The following RNLS variants were observed in gnomAD, a reference collection of about 807,000 sequenced individuals.
RNLS encodes renalase, FAD dependent amine oxidase.
In RNLS, 39 loss-of-function variants were observed where a neutral mutation model predicts 39.8. That is an observed-to-expected ratio of 0.98 (90% CI 0.76 to 1.28). The LOEUF is 1.28. Ranked by LOEUF, RNLS falls within the 50% of genes most tolerant of loss-of-function variation. RNLS has a pLI of 0.00. For missense variants in RNLS, 410 were observed against 413.3 expected (o/e 0.99, Z 0.07); for synonymous variants, 147 against 150.7 (o/e 0.98, Z 0.18).
At chr10:88,446,747 C>T (rs529773388) in intron 4 of RNLS, among the ~76,000 whole-genome samples, 6 of 152,026 alleles carry the variant, frequency 3.9e-5, no homozygotes, top group African/African-American at 7.2e-5. Flanking sequence ...TGATGAACAT[C>T]GATGCAAAAA....
rs1278565163 is a variant in RNLS, at chr10:88,435,419, T to G, written c.527-72694A>C. ...AAAAGCTAAGAGACAGAAATCAAATTACCAAATATTTGGGGGTAAACCAAA... is the reference window on the plus strand; with the variant it reads ...AAAAGCTAAGAGACAGAAATCAAATGACCAAATATTTGGGGGTAAACCAAA... On this transcript the variant is annotated intron_variant, in intron 4 of 6. Coordinates refer to ENST00000331772, the MANE Select transcript of RNLS (RefSeq NM_001031709.3). Among the ~76,000 whole-genome samples the G allele has an allele frequency of 3.4e-5, 5 of 147,726 alleles. No individual in the cohort carries two copies. The East Asian group carries it at 9.8e-4, about 29-fold the overall frequency.
rs72820095 is a variant in RNLS, at chr10:88,582,087, T to C, written c.224+115A>G. On this transcript the variant is annotated intron_variant, in intron 2 of 6. Coordinates refer to ENST00000331772, the MANE Select transcript of RNLS (RefSeq NM_001031709.3). ...TTCTTCCATAACACCAACATAGCAA[T>C]TGATATTTATCGAGCCCTTACTATG... is the stretch of plus-strand genomic sequence containing the variant. The C allele has an allele frequency of 0.096, 73,462 of 768,740 alleles. 4,108 individuals are homozygous for C. Among genetic ancestry groups the C allele is most frequent in the Middle Eastern group, 0.14 (484 of 3,414 alleles). 47.6% of individuals were successfully genotyped at this position (768,740 alleles called of 1,614,324 possible). A position where few individuals can be genotyped will look rare whatever the true frequency, so the allele number is the denominator to read the frequency against.
chr10:88,388,599 G>C (rs1852006785), intron 4 of RNLS, among the ~76,000 whole-genome samples: 2 of 151,572 alleles, frequency 1.3e-5, no homozygotes, highest in African/African-American at 4.9e-5. Flanking sequence ...CACATGGCTA[G>C]CTCTTTCTCC....
chr10:88,224,219 G>A, the RNLS span, among the ~76,000 whole-genome samples: 1 of 152,206 alleles, frequency 6.6e-6, no homozygotes, highest in South Asian at 2.1e-4. Flanking sequence ...GGTAGGTTCA[G>A]TGTCTGGTGA....
chr10:88,242,384 A>G, the RNLS span, among the ~76,000 whole-genome samples: 2,013 of 152,348 alleles, frequency 0.013, 47 homozygotes, highest in African/African-American at 0.046. Context: ...GTAGAATTTA[A>G]TCAGGTTGCA....
intron 4 of RNLS, among the ~76,000 whole-genome samples, chr10:88,496,546 G>A (rs964847155): frequency 1.3e-5 from 2 of 152,094 alleles, no homozygotes; most frequent in Admixed American, 6.6e-5. Context: ...TTCAGAATTT[G>A]ATGAAACTAT....
chr10:88,516,902 T>C (rs1176850514), intron 4 of RNLS, among the ~76,000 whole-genome samples: 1 of 151,950 alleles, frequency 6.6e-6, no homozygotes, highest in Non-Finnish European at 1.5e-5. Flanking sequence ...TGACAAACTG[T>C]TCATTTTCCT....
At chr10:88,350,310 C>T (rs1426223849) in intron 5 of RNLS, among the ~76,000 whole-genome samples, 2 of 151,828 alleles carry the variant, frequency 1.3e-5, no homozygotes, top group Non-Finnish European at 2.9e-5. Context: ...TATACATGTG[C>T]CATGTTGATG....
chr10:88,284,635 A>G lies in RNLS; in HGVS notation c.*719T>C, dbSNP rs1843146210. 6.1e-6 allele frequency: 6 copies of G among 985,076 alleles called. No individual in the cohort carries two copies. Among genetic ancestry groups the G allele is most frequent in the Non-Finnish European group, 7.2e-6 (6 of 829,770 alleles). The allele number at this position is 985,076 out of a possible 1,614,324, so 61.0% of individuals were successfully genotyped here. A position where few individuals can be genotyped will look rare whatever the true frequency, so the allele number is the denominator to read the frequency against. ...CTATAAAATATAGCAAAAGGTAAGG[A>G]TCGATATACTTTCTCTCTGTTTCTA... On this transcript the variant is annotated 3_prime_UTR_variant, in exon 7 of 7. Transcript: ENST00000331772.
At chr10:88,306,324 A>G (rs1297729549) in intron 6 of RNLS, among the ~76,000 whole-genome samples, 3 of 152,172 alleles carry the variant, frequency 2.0e-5, no homozygotes, top group Non-Finnish European at 4.4e-5. Context: ...AATACCCAAA[A>G]TCAGTGCTGA....
chr10:88,439,682 A>C (rs1841604228), intron 4 of RNLS, among the ~76,000 whole-genome samples: 1 of 152,208 alleles, frequency 6.6e-6, no homozygotes, highest in African/African-American at 2.4e-5. Context: ...TCAATTTACA[A>C]ATAAGGAAAC....
chr10:88,189,639 A>G, the RNLS span, among the ~76,000 whole-genome samples: 1 of 152,236 alleles, frequency 6.6e-6, no homozygotes, highest in African/African-American at 2.4e-5. Context: ...GGTGCCTTGC[A>G]CTGTGCCTGG....
intron 3 of RNLS, among the ~76,000 whole-genome samples, chr10:88,578,665 C>T (rs1850350422): frequency 6.6e-6 from 1 of 152,086 alleles, no homozygotes; most frequent in South Asian, 2.1e-4. Flanking sequence ...ATTTATATCA[C>T]TCTACCTACT....
chr10:88,379,851 G>A (rs1851310168), intron 4 of RNLS, among the ~76,000 whole-genome samples: 1 of 152,140 alleles, frequency 6.6e-6, no homozygotes, highest in Non-Finnish European at 1.5e-5. Flanking sequence ...TAGGTTTCTG[G>A]CAGACAGCTC....
chr10:88,528,164 G>A (rs1021310525), intron 4 of RNLS, among the ~76,000 whole-genome samples: 1 of 151,738 alleles, frequency 6.6e-6, no homozygotes, highest in African/African-American at 2.4e-5. Flanking sequence ...ATAAAAAGAA[G>A]AATCTAAAAG....
the RNLS span, among the ~76,000 whole-genome samples, chr10:88,235,896 A>G: frequency 4.6e-5 from 7 of 151,854 alleles, no homozygotes; most frequent in Non-Finnish European, 8.8e-5. Flanking sequence ...CAGTGGTGCT[A>G]TCGCTGCTTA....
At chr10:88,445,821 T>A (rs1461990503) in intron 4 of RNLS, among the ~76,000 whole-genome samples, 1 of 152,166 alleles carries the variant, frequency 6.6e-6, no homozygotes, top group Non-Finnish European at 1.5e-5. Flanking sequence ...AAGCAAGTCC[T>A]TAGAGACCTA....
chr10:88,505,910 T>C (rs1368651332), intron 4 of RNLS, among the ~76,000 whole-genome samples: 3 of 152,126 alleles, frequency 2.0e-5, no homozygotes, highest in Non-Finnish European at 4.4e-5. Context: ...CAAAGTGTAG[T>C]CCTGAGACAG....
intron 4 of RNLS, among the ~76,000 whole-genome samples, chr10:88,569,851 T>C (rs1281592788): frequency 2.0e-5 from 3 of 151,560 alleles, no homozygotes; most frequent in South Asian, 2.1e-4. Flanking sequence ...AAATAAAAAA[T>C]AAAAAATAAA....
Sources: gnomAD v4.1 joint callset for allele counts (sites outside exome capture counted in the v4.1 genomes callset) on GRCh38, gnomAD v4.1.1 for gene constraint, MANE v1.5 for transcripts, NCBI Gene and HGNC (gene_info 2026-07-23, HGNC 2026-07-21) for gene names.